Variants in NANS observed in about 807,000 individuals in gnomAD.
The protein encoded by NANS is N-acetylneuraminate-9-phosphate synthase.
NANS carries 29 observed loss-of-function variants against 33.3 expected under a neutral mutation model. The ratio of observed to expected loss-of-function variants is 0.87; its 90% CI spans 0.65 to 1.19. The LOEUF (loss-of-function observed/expected upper bound fraction) is 1.19. Among genes scored for constraint, NANS ranks in the 50% most tolerant of loss-of-function variants. NANS has a pLI of 0.00. For missense variants in NANS, 394 were observed against 461.1 expected, an observed-to-expected ratio of 0.85 and a Z score of 1.33; for synonymous variants, 163 against 177.2, an observed-to-expected ratio of 0.92 and a Z score of 0.64.
Position 98,061,088 on chromosome 9 carries a change from C to T in NANS, c.348+91C>T, listed in dbSNP as rs138701491. 308 of 1,230,440 alleles carry T rather than the reference C, an allele frequency of 2.5e-4. No homozygotes were observed. The African/African-American group carries it at 2.8e-3, about 11-fold the overall frequency. The allele number at this position is 1,230,440 out of a possible 1,614,324, so 76.2% of individuals were successfully genotyped here. ...ACTTCCGGCTTAGGGCCACCTCCAG[C>T]CCTTGCTCATCCTTTCTGTTCCCAG... On this transcript the variant is annotated intron_variant, in intron 2 of 5. Transcript: ENST00000210444.
At chr9:98,059,740 T>A (rs2131618484) in intron 1 of NANS, among the ~76,000 whole-genome samples, 1 of 152,234 alleles carries the variant, frequency 6.6e-6, no homozygotes, top group South Asian at 2.1e-4. Flanking sequence ...GTTTTTTTTT[T>A]TTTATAGTCA....
intron 2 of NANS, among the ~76,000 whole-genome samples, chr9:98,063,276 CTG>C (rs1829039848): frequency 6.6e-6 from 1 of 151,856 alleles, no homozygotes; most frequent in Non-Finnish European, 1.5e-5. Flanking sequence ...CAGAGTCTCA[CTG>C]TCTCCCAGGC....
chr9:98,063,434 G>T (rs966652734), intron 2 of NANS, among the ~76,000 whole-genome samples: 2 of 151,988 alleles, frequency 1.3e-5, no homozygotes, highest in Non-Finnish European at 2.9e-5. Context: ...TAGAGATGGG[G>T]TTTCACCATG....
chr9:98,069,156 T>C (rs1260188592), intron 2 of NANS: 1 of 152,246 alleles, frequency 6.6e-6, no homozygotes, highest in East Asian at 1.9e-4. Context: ...ATTACAACTT[T>C]TATTCTTAGT....
chr9:98,068,860 G>A (rs1829229146), intron 2 of NANS, among the ~76,000 whole-genome samples: 1 of 151,922 alleles, frequency 6.6e-6, no homozygotes, highest in African/African-American at 2.4e-5. Flanking sequence ...AACACCACAT[G>A]GTGTCAAGGA....
At chr9:98,078,073 G>A in intron 3 of NANS, 120 bp from the exon 4 acceptor site, 1 of 1,444,346 alleles carries the variant, frequency 6.9e-7, no homozygotes, top group Non-Finnish European at 9.5e-7. Context: ...GGCTGGCACA[G>A]TGTTTTAAGA....
intron 2 of NANS, among the ~76,000 whole-genome samples, chr9:98,065,796 T>C (rs1446096238): frequency 2.0e-5 from 3 of 152,114 alleles, no homozygotes; most frequent in Non-Finnish European, 4.4e-5. Context: ...TCCCGTGCTA[T>C]TCTCATGATA....
intron 2 of NANS, among the ~76,000 whole-genome samples, chr9:98,071,580 G>A (rs921654746): frequency 4.3e-4 from 66 of 152,324 alleles, no homozygotes; most frequent in African/African-American, 1.4e-3. Flanking sequence ...AGCAACCTGG[G>A]CTAAGGGCTA....
At chr9:98,058,288 C>T (rs370208989) in intron 1 of NANS, among the ~76,000 whole-genome samples, 14 of 152,244 alleles carry the variant, frequency 9.2e-5, no homozygotes, top group African/African-American at 3.1e-4. Context: ...ACAAAAATAA[C>T]ATTGCTAACA....
At chr9:98,077,812 A>G (rs1002017832) in intron 3 of NANS, among the ~76,000 whole-genome samples, 42 of 152,242 alleles carry the variant, frequency 2.8e-4, no homozygotes, top group African/African-American at 7.2e-5. Flanking sequence ...GCCCAGGCAC[A>G]GCTAGAAGTG....
At chr9:98,073,093 A>AG (rs1320288927) in intron 2 of NANS, among the ~76,000 whole-genome samples, 1 of 152,040 alleles carries the variant, frequency 6.6e-6, no homozygotes, top group Non-Finnish European at 1.5e-5. Context: ...GTGACTCCTG[A>AG]GGGACATGCT....
chr9:98,072,492 A>G (rs1028451091), intron 2 of NANS, among the ~76,000 whole-genome samples: 1 of 151,140 alleles, frequency 6.6e-6, no homozygotes, highest in African/African-American at 2.4e-5. Flanking sequence ...GCTCACTGCA[A>G]CCTCCACCTC....
At position 98,072,778 on chromosome 9, in the gene NANS, A is replaced by T. The variant is rs559241941; in HGVS notation, c.349-4140A>T. ...TGCCCTCTGTCAAACTGTTGGAGGT[A>T]GATTGGTTCCTTGTTCTGTATTTAC... On this transcript the variant is annotated intron_variant, in intron 2 of 5. Transcript: ENST00000210444. Among the ~76,000 whole-genome samples, 6 of 152,278 alleles carry T rather than the reference A, an allele frequency of 3.9e-5. No individual in the cohort carries two copies. In the South Asian group the frequency reaches 1.2e-3, roughly 32 times the overall value.
intron 3 of NANS, 67 bp from the exon 4 acceptor site, chr9:98,078,126 G>A: frequency 6.2e-7 from 1 of 1,600,404 alleles, no homozygotes. Context: ...CAGCAGTTGG[G>A]ATGTGTTGGG....
intron 2 of NANS, among the ~76,000 whole-genome samples, chr9:98,064,931 AT>A (rs948191746): frequency 6.0e-5 from 9 of 150,472 alleles, no homozygotes; most frequent in African/African-American, 1.9e-4. Flanking sequence ...GTGGGGACAG[AT>A]TTTTTTTTTA....
chr9:98,081,966 T>C (rs1317117788), intron 5 of NANS: 2 of 152,196 alleles, frequency 1.3e-5, no homozygotes. Context: ...TTAATTTGGC[T>C]CTCTGAGCAG....
chr9:98,070,277 C>G (rs1042419268), intron 2 of NANS, among the ~76,000 whole-genome samples: 1 of 152,060 alleles, frequency 6.6e-6, no homozygotes, highest in African/African-American at 2.4e-5. Flanking sequence ...GCCACCATGC[C>G]CAGCTAATTT....
chr9:98,062,765 G>A (rs917826309), intron 2 of NANS, among the ~76,000 whole-genome samples: 1 of 145,794 alleles, frequency 6.9e-6, no homozygotes, highest in Non-Finnish European at 1.5e-5. Context: ...TTTGGATACG[G>A]AAGTTATTTC....
At chr9:98,075,420 G>C (rs1474830029) in intron 2 of NANS, 1 of 148,672 alleles carries the variant, frequency 6.7e-6, no homozygotes, top group Non-Finnish European at 1.5e-5. Context: ...GAAAGGGAGA[G>C]AGGGAGGGAA....
Sources: gnomAD v4.1 joint callset for allele counts (sites outside exome capture counted in the v4.1 genomes callset) on GRCh38, gnomAD v4.1.1 for gene constraint, MANE v1.5 for transcripts, NCBI Gene and HGNC (gene_info 2026-07-23, HGNC 2026-07-21) for gene names.